Variants in IGSF5 observed in about 807,000 individuals in gnomAD.
The protein encoded by IGSF5 is immunoglobulin superfamily 5 like.
In IGSF5, 41 loss-of-function variants were observed where a neutral mutation model predicts 39.4. That is an observed-to-expected ratio of 1.04 (90% CI 0.81 to 1.35). The LOEUF is 1.35. Ranked by LOEUF, IGSF5 falls within the 40% of genes most tolerant of loss-of-function variation. The pLI, the probability that IGSF5 is intolerant of heterozygous loss-of-function variation, is 0.00. For missense variants in IGSF5, 487 were observed against 494.6 expected, an observed-to-expected ratio of 0.98 and a Z score of 0.15; for synonymous variants, 183 against 175.3, an observed-to-expected ratio of 1.04 and a Z score of -0.34.
At chr21:39,759,496 A>T (rs2080050193) in intron 2 of IGSF5, among the ~76,000 whole-genome samples, 2 of 152,148 alleles carry the variant, frequency 1.3e-5, no homozygotes, top group African/African-American at 4.8e-5. Context: ...AGCCGTGGTT[A>T]CAAAAAACTC....
At chr21:39,797,354 G>A (rs2087001899) in intron 8 of IGSF5, among the ~76,000 whole-genome samples, 1 of 151,868 alleles carries the variant, frequency 6.6e-6, no homozygotes. Flanking sequence ...GAGTAGCTGG[G>A]ATTATAGGCG....
At chr21:39,787,652 T>A (rs2086931484) in intron 5 of IGSF5, among the ~76,000 whole-genome samples, 1 of 149,632 alleles carries the variant, frequency 6.7e-6, no homozygotes. Flanking sequence ...TAAAGAAATA[T>A]GGTAATATTA....
intron 2 of IGSF5, among the ~76,000 whole-genome samples, chr21:39,753,301 GT>G (rs563176420): frequency 6.6e-5 from 10 of 152,222 alleles, no homozygotes; most frequent in African/African-American, 2.4e-4. Flanking sequence ...TCAGTTGGCT[GT>G]AAGTATTTGG....
chr21:39,742,829 A>G (rs1158283977), upstream of IGSF5, among the ~76,000 whole-genome samples: 3 of 151,916 alleles, frequency 2.0e-5, no homozygotes, highest in East Asian at 3.9e-4. Flanking sequence ...CCTGATCTCT[A>G]TTATAAAAAA....
chr21:39,796,042 G>A (rs547224200), intron 8 of IGSF5, among the ~76,000 whole-genome samples: 7 of 152,294 alleles, frequency 4.6e-5, no homozygotes, highest in South Asian at 2.1e-4. Context: ...GCCCAGGCAC[G>A]GCCTCCACGT....
At chr21:39,723,643 T>C in the IGSF5 span, among the ~76,000 whole-genome samples, 1 of 152,200 alleles carries the variant, frequency 6.6e-6, no homozygotes, top group Non-Finnish European at 1.5e-5. Flanking sequence ...CACTGAGACC[T>C]GACAGAACTA....
chr21:39,741,467 A>T (rs1010007989), upstream of IGSF5, among the ~76,000 whole-genome samples: 2 of 152,304 alleles, frequency 1.3e-5, no homozygotes, highest in East Asian at 1.9e-4. Flanking sequence ...AGCAGAGCTG[A>T]GCCTTTGGTT....
At chr21:39,766,815 A>G (rs1020813004) in intron 3 of IGSF5, among the ~76,000 whole-genome samples, 1 of 151,454 alleles carries the variant, frequency 6.6e-6, no homozygotes, top group Non-Finnish European at 1.5e-5. Flanking sequence ...CTTATAAGAG[A>G]ATATATTATA....
intron 4 of IGSF5, among the ~76,000 whole-genome samples, chr21:39,773,177 A>G (rs535492009): frequency 2.6e-5 from 4 of 152,116 alleles, no homozygotes; most frequent in Admixed American, 6.5e-5. Context: ...CCCTCTATGT[A>G]TCCTTGTGTT....
upstream of IGSF5, among the ~76,000 whole-genome samples, chr21:39,743,781 T>C (rs147572787): frequency 0.011 from 1,631 of 152,236 alleles, 30 homozygotes; most frequent in African/African-American, 0.037. Flanking sequence ...ACAAAAGAGG[T>C]CTAGCTGTAA....
rs1192471122 is a variant in IGSF5, at chr21:39,785,573, G to GT, written c.935-2588dup. On this transcript the variant is annotated intron_variant, in intron 5 of 8. Transcript: ENST00000380588. The stretch of plus-strand genomic sequence containing the variant: ...TTGGTTCCATATGAACTTTAAAGTA[G>GT]TTTTTTCCAATTCAGTGAAGAAAGT... 1.4e-4 allele frequency among the ~76,000 whole-genome samples: 22 copies of GT among 152,236 alleles called. No individual in the cohort carries two copies. In the East Asian group the frequency reaches 3.1e-3, roughly 21 times the overall value.
the IGSF5 span, among the ~76,000 whole-genome samples, chr21:39,736,560 T>A: frequency 1.5e-4 from 23 of 148,852 alleles, no homozygotes; most frequent in Non-Finnish European, 2.5e-4. Flanking sequence ...AAGTATAATT[T>A]AAAAAAAAAA....
intron 2 of IGSF5, among the ~76,000 whole-genome samples, chr21:39,762,900 G>A (rs2080068109): frequency 6.6e-6 from 1 of 152,122 alleles, no homozygotes; most frequent in Admixed American, 6.5e-5. Context: ...TGGCCACAGG[G>A]AGGTTCTCGG....
intron 6 of IGSF5, among the ~76,000 whole-genome samples, chr21:39,790,840 T>C (rs973051287): frequency 5.3e-5 from 8 of 152,190 alleles, no homozygotes; most frequent in Non-Finnish European, 1.0e-4. Context: ...TGAAAAAATA[T>C]ACAACAGTAA....
intron 6 of IGSF5, among the ~76,000 whole-genome samples, chr21:39,789,832 T>C (rs1014037142): frequency 1.3e-5 from 2 of 152,236 alleles, no homozygotes; most frequent in African/African-American, 4.8e-5. Flanking sequence ...TGGATTATAG[T>C]AACCATTAAT....
Position 39,770,969 on chromosome 21 carries a change from C to T in IGSF5, c.472C>T (p.Pro158Ser), listed in dbSNP as rs774672570. Reference sequence around the variant, plus strand: ...TAATCTTGTAGTCGCTGAGAATGAACCTTGTGAAGTTACTTGTCTACCCTC... The same window carrying T: ...TAATCTTGTAGTCGCTGAGAATGAATCTTGTGAAGTTACTTGTCTACCCTC... ...SVNLVVAENEPCEVTCLPSHW... is the reference protein window; with the variant it reads ...SVNLVVAENESCEVTCLPSHW... The change falls in exon 4 of 9, where the codon CCT (proline) becomes TCT (serine). Residue 158 changes from proline to serine, a missense_variant. Pro to Ser is a moderately conservative substitution (Grantham distance 74). Coordinates refer to ENST00000380588, the MANE Select transcript of IGSF5 (RefSeq NM_001080444.2). The T allele has an allele frequency of 3.1e-6, 5 of 1,610,062 alleles. 1 individual carries two copies. The highest frequency in any genetic ancestry group is 3.4e-6 in the Non-Finnish European group (4 of 1,178,062).
rs61739655 is a variant in IGSF5, at chr21:39,765,636, C to G, written c.202C>G (p.Leu68Val). 8.3e-4 allele frequency: 1,344 copies of G among 1,614,142 alleles called. 11 individuals carry two copies. In the African/African-American group the frequency reaches 0.015, roughly 18 times the overall value. ...FNCTVSQGWKLIMWALSDMVV... is the reference protein window; with the variant it reads ...FNCTVSQGWKVIMWALSDMVV... ...CTGCACCGTCTCCCAGGGCTGGAAGCTCATCATGTGGGCTCTCAGTGACAT... is the reference window on the plus strand; with the variant it reads ...CTGCACCGTCTCCCAGGGCTGGAAGGTCATCATGTGGGCTCTCAGTGACAT... The change falls in exon 3 of 9, where the codon CTC (leucine) becomes GTC (valine). Residue 68 changes from leucine (L) to valine (V), a missense_variant. Coordinates refer to ENST00000380588, the MANE Select transcript of IGSF5 (RefSeq NM_001080444.2).
the IGSF5 span, among the ~76,000 whole-genome samples, chr21:39,738,499 TAG>T: frequency 6.6e-6 from 1 of 152,086 alleles, no homozygotes; most frequent in Non-Finnish European, 1.5e-5. The surrounding 1 kb of genome is among the most constrained non-coding windows in gnomAD (Gnocchi z 6.4). Context: ...TGACAAAACA[TAG>T]AGTCACAGGA....
At chr21:39,736,437 A>C in the IGSF5 span, among the ~76,000 whole-genome samples, 7 of 152,142 alleles carry the variant, frequency 4.6e-5, no homozygotes, top group African/African-American at 7.2e-5. Context: ...ATTACCAAAC[A>C]AAACAAAACA....
Sources: gnomAD v4.1 joint callset for allele counts (sites outside exome capture counted in the v4.1 genomes callset) on GRCh38, gnomAD v4.1.1 for gene constraint, Gnocchi (gnomAD v3.1) non-coding constraint, MANE v1.5 for transcripts, NCBI Gene and HGNC (gene_info 2026-07-23, HGNC 2026-07-21) for gene names.